Variants in CNTNAP2 observed in about 807,000 individuals in gnomAD.
The protein encoded by CNTNAP2 is contactin-associated protein-like 2.
A neutral mutation model predicts 155.2 loss-of-function variants in CNTNAP2; 98 were observed. That is an observed-to-expected ratio of 0.63 (90% CI 0.54 to 0.75). The LOEUF (loss-of-function observed/expected upper bound fraction) is 0.75, where lower values mean the gene tolerates loss of function less well. CNTNAP2 is among the 30% of genes least tolerant of loss of function. The pLI is 0.00. For missense variants in CNTNAP2, 1,727 were observed against 1,688.1 expected, an observed-to-expected ratio of 1.02 and a Z score of -0.40; for synonymous variants, 651 against 631.2, an observed-to-expected ratio of 1.03 and a Z score of -0.47.
chr7:146,322,084 T>C (rs1356785699), intron 1 of CNTNAP2, among the ~76,000 whole-genome samples: 1 of 152,112 alleles, frequency 6.6e-6, no homozygotes. Flanking sequence ...GGGAAAACCA[T>C]GCTGTAAGGA....
At chr7:147,380,220 G>A (rs1796513276) in intron 9 of CNTNAP2, among the ~76,000 whole-genome samples, 1 of 151,572 alleles carries the variant, frequency 6.6e-6, no homozygotes, top group African/African-American at 2.4e-5. Context: ...GATACAAAAA[G>A]CCATGTTTTA....
At chr7:147,601,029 G>A (rs79284800) in intron 12 of CNTNAP2, among the ~76,000 whole-genome samples, 1,615 of 152,184 alleles carry the variant, frequency 0.011, 37 homozygotes, top group African/African-American at 0.037. Flanking sequence ...TTTCTCTTCT[G>A]AGTGATCAGC....
At chr7:146,481,336 G>A (rs566939458) in intron 1 of CNTNAP2, among the ~76,000 whole-genome samples, 5 of 152,302 alleles carry the variant, frequency 3.3e-5, no homozygotes, top group African/African-American at 7.2e-5. Context: ...ATTTTCCAAG[G>A]CAATGTAGCA....
intron 1 of CNTNAP2, among the ~76,000 whole-genome samples, chr7:146,176,693 T>TA (rs1405073359): frequency 6.6e-6 from 1 of 152,180 alleles, no homozygotes; most frequent in African/African-American, 2.4e-5. Flanking sequence ...ATAGAAATGA[T>TA]ACGGCTAAGT....
chr7:147,894,870 G>A (rs530025609), intron 13 of CNTNAP2, among the ~76,000 whole-genome samples: 11 of 150,428 alleles, frequency 7.3e-5, no homozygotes, highest in East Asian at 3.9e-4. Context: ...CCAAGCATTC[G>A]CCCTTGTGCT....
chr7:148,390,262 T>G (rs1799316961), intron 22 of CNTNAP2, among the ~76,000 whole-genome samples: 1 of 152,166 alleles, frequency 6.6e-6, no homozygotes, highest in Non-Finnish European at 1.5e-5. Flanking sequence ...AGAACTGATC[T>G]GCCTGTTTGC....
At chr7:148,246,351 T>A (rs1165377015) in intron 20 of CNTNAP2, among the ~76,000 whole-genome samples, 1 of 152,230 alleles carries the variant, frequency 6.6e-6, no homozygotes, top group East Asian at 1.9e-4. Flanking sequence ...CCACATAAAA[T>A]GAGTTCATTT....
At chr7:146,526,442 T>C (rs1479233024) in intron 1 of CNTNAP2, among the ~76,000 whole-genome samples, 1 of 152,142 alleles carries the variant, frequency 6.6e-6, no homozygotes, top group South Asian at 2.1e-4. Flanking sequence ...GAAGGGCAGA[T>C]GTGTCACATG....
rs115252860 is a variant in CNTNAP2 at position 146,727,668 on chromosome 7, G to C, written c.98-46603G>C. On this transcript the variant is annotated intron_variant, in intron 1 of 23. Coordinates refer to ENST00000361727, the MANE Select transcript of CNTNAP2 (RefSeq NM_014141.6). The stretch of plus-strand genomic sequence containing the variant: ...TTAACTTACAGGGTCATGTTTTTCA[G>C]GCCGTTTTGGTATTATGTAAGAACA... 7.0e-3 allele frequency among the ~76,000 whole-genome samples: 1,065 copies of C among 152,244 alleles called. 8 individuals are homozygous for C. Among genetic ancestry groups the C allele is most frequent in the African/African-American group, 0.024 (1,010 of 41,544 alleles).
At chr7:148,242,886 C>G (rs1796184562) in intron 20 of CNTNAP2, among the ~76,000 whole-genome samples, 1 of 152,190 alleles carries the variant, frequency 6.6e-6, no homozygotes, top group South Asian at 2.1e-4. Flanking sequence ...TGCATCCTTT[C>G]CCCAGTGGTC....
At chr7:146,311,895 T>C (rs1166893619) in intron 1 of CNTNAP2, 1 of 151,832 alleles carries the variant, frequency 6.6e-6, no homozygotes, top group Non-Finnish European at 1.5e-5. Context: ...TATCTATTAC[T>C]TGAGATATAC....
At chr7:147,246,204 AC>A (rs1314880415) in intron 8 of CNTNAP2, among the ~76,000 whole-genome samples, 1 of 151,686 alleles carries the variant, frequency 6.6e-6, no homozygotes, top group Non-Finnish European at 1.5e-5. Flanking sequence ...GTGGGCCAGC[AC>A]GTTGGAGGCC....
chr7:146,129,923 C>T (rs1018422313), intron 1 of CNTNAP2, among the ~76,000 whole-genome samples: 13 of 152,048 alleles, frequency 8.5e-5, no homozygotes, highest in Non-Finnish European at 1.5e-4. Flanking sequence ...TCTGTTATAA[C>T]ATTTTAGCTA....
intron 10 of CNTNAP2, among the ~76,000 whole-genome samples, chr7:147,464,780 T>C (rs1051706401): frequency 6.6e-6 from 1 of 152,166 alleles, no homozygotes; most frequent in African/African-American, 2.4e-5. Flanking sequence ...AGCAGTGTGA[T>C]TTTAACAGGC....
At chr7:147,369,884 G>A (rs1009198053) in intron 9 of CNTNAP2, among the ~76,000 whole-genome samples, 1 of 152,130 alleles carries the variant, frequency 6.6e-6, no homozygotes, top group Non-Finnish European at 1.5e-5. Flanking sequence ...AATTCATACT[G>A]TCTGTATGAA....
intron 1 of CNTNAP2, among the ~76,000 whole-genome samples, chr7:146,433,015 A>G (rs1796193173): frequency 6.6e-6 from 1 of 152,140 alleles, no homozygotes; most frequent in African/African-American, 2.4e-5. Flanking sequence ...TCAACCCCCA[A>G]ACAATGGTGT....
At chr7:147,457,217 G>A (rs1797931159) in intron 10 of CNTNAP2, among the ~76,000 whole-genome samples, 1 of 152,172 alleles carries the variant, frequency 6.6e-6, no homozygotes, top group Admixed American at 6.5e-5. Flanking sequence ...AGATGAAAAA[G>A]TAATGTTGGA....
At chr7:146,801,957 G>T (rs535577195) in intron 2 of CNTNAP2, among the ~76,000 whole-genome samples, 1 of 152,284 alleles carries the variant, frequency 6.6e-6, no homozygotes, top group South Asian at 2.1e-4. Flanking sequence ...TGGAAGGACT[G>T]TGGTGTTATT....
intron 21 of CNTNAP2, among the ~76,000 whole-genome samples, chr7:148,374,426 T>C (rs1798944845): frequency 6.6e-6 from 1 of 152,190 alleles, no homozygotes; most frequent in Admixed American, 6.5e-5. Context: ...TCTACCCTTT[T>C]TTCCCCATTG....
Sources: allele counts gnomAD v4.1 joint callset (sites outside exome capture counted in the v4.1 genomes callset), GRCh38; gene constraint gnomAD v4.1.1; transcripts MANE v1.5; gene names NCBI Gene and HGNC (gene_info 2026-07-23, HGNC 2026-07-21).